The following RPH3AL variants were observed in gnomAD, a reference collection of about 807,000 sequenced individuals.
RPH3AL encodes the protein rab effector Noc2.
Under a neutral mutation model 43.1 loss-of-function variants are expected in RPH3AL, and 38 were observed. That is an observed-to-expected ratio of 0.88 (90% CI 0.68 to 1.15). RPH3AL has a LOEUF of 1.15. Ranked by LOEUF, RPH3AL falls within the 50% of genes most tolerant of loss-of-function variation. RPH3AL has a pLI of 0.00. For synonymous variants in RPH3AL, 189 were observed against 176.3 expected, an observed-to-expected ratio of 1.07 and a Z score of -0.57; for missense variants, 462 against 423.2, an observed-to-expected ratio of 1.09 and a Z score of -0.81.
In RPH3AL at chr17:313,185, C is replaced by G. The variant is rs185422263; in HGVS notation, c.351+6235G>C. The stretch of plus-strand genomic sequence containing the variant: ...TGAAGAGGCTGACGCTCTGTCTCAG[C>G]AAATGGCCTCAGTCCCTACGTTGCC... On this transcript the variant is annotated intron_variant, in intron 5 of 9. Transcript: ENST00000331302. Among the ~76,000 whole-genome samples, 18 of 152,288 alleles carry G rather than the reference C, an allele frequency of 1.2e-4. 1 individual carries two copies. In the East Asian group the frequency reaches 3.5e-3, roughly 29 times the overall value.
rs1470286728 is a variant in RPH3AL, at chr17:225,116, A to G, written c.614-5380T>C. ...TACCCTAGAACTTAAAATATAATGG[A>G]AAAAAAAAAAAAAAGAGTGATGAGC... is the stretch of plus-strand genomic sequence containing the variant. On this transcript the variant is annotated intron_variant, in intron 7 of 9. Transcript: ENST00000331302. This position sits in a 1 kb window ranked among gnomAD's most constrained non-coding sequence, Gnocchi z 4.4. Among the ~76,000 whole-genome samples, 71 of 62,156 alleles carry G rather than the reference A, an allele frequency of 1.1e-3. No individual in the cohort carries two copies. The highest frequency in any genetic ancestry group is 2.0e-3 in the African/African-American group (53 of 26,484). 40.8% of individuals were successfully genotyped at this position (62,156 alleles called of 152,430 possible).
chr17:286,051 G>A (rs1348741625), intron 5 of RPH3AL, among the ~76,000 whole-genome samples: 2 of 152,148 alleles, frequency 1.3e-5, no homozygotes, highest in Non-Finnish European at 2.9e-5. Flanking sequence ...CGCCACTGCT[G>A]GGGGGGTGCT....
chr17:272,056 A>G (rs2042476671), intron 6 of RPH3AL, among the ~76,000 whole-genome samples: 1 of 152,256 alleles, frequency 6.6e-6, no homozygotes, highest in Non-Finnish European at 1.5e-5. Flanking sequence ...CCACAATGAG[A>G]TACCATCTCA....
In RPH3AL at chr17:306,915, C is replaced by T. The variant is rs1030893310; in HGVS notation, c.351+12505G>A. On this transcript the variant is annotated intron_variant, in intron 5 of 9. Coordinates refer to ENST00000331302, the MANE Select transcript of RPH3AL (RefSeq NM_006987.4). ...CCAGACTCCCAGCTGCGCCCGATGC[C>T]CCCACACTTCCTGGGCACACTGCCT... Among the ~76,000 whole-genome samples the T allele has an allele frequency of 3.9e-5, 6 of 152,176 alleles. No individual in the cohort carries two copies. The South Asian group carries it at 1.0e-3, about 26-fold the overall frequency.
intron 7 of RPH3AL, among the ~76,000 whole-genome samples, chr17:235,836 T>C (rs2041372692): frequency 6.9e-6 from 1 of 144,710 alleles, no homozygotes; most frequent in South Asian, 2.2e-4. Context: ...GGCTCTACAC[T>C]AACAAGACAG....
At chr17:313,862 A>G (rs759311873) in intron 5 of RPH3AL, among the ~76,000 whole-genome samples, 39 of 152,046 alleles carry the variant, frequency 2.6e-4, no homozygotes, top group Non-Finnish European at 4.0e-4. Flanking sequence ...AATGCCCACC[A>G]TCCAGCTGTG....
In RPH3AL at chr17:283,061, C is replaced by T. The variant is rs1303996869; in HGVS notation, c.352-1207G>A. The stretch of plus-strand genomic sequence containing the variant: ...GGCTCCAGGCTAACCCAGGCAGAGT[C>T]TGATTCAGCGATCGCTGGCGACTCC... On this transcript the variant is annotated intron_variant, in intron 5 of 9. Transcript: ENST00000331302. The surrounding 1 kb of genome is among the most constrained non-coding windows in gnomAD (Gnocchi z 4.2). Among the ~76,000 whole-genome samples, 1 of 152,160 alleles carries T rather than the reference C, an allele frequency of 6.6e-6. No homozygotes were observed. Among genetic ancestry groups the T allele is most frequent in the Non-Finnish European group, 1.5e-5 (1 of 68,042 alleles).
chr17:264,630 G>T lies in RPH3AL; in HGVS notation c.438+17138C>A, dbSNP rs2042279726. Among the ~76,000 whole-genome samples the T allele has an allele frequency of 6.6e-6, 1 of 152,202 alleles. No individual in the cohort carries two copies. Among genetic ancestry groups the T allele is most frequent in the African/African-American group, 2.4e-5 (1 of 41,452 alleles). On this transcript the variant is annotated intron_variant, in intron 6 of 9. Coordinates refer to ENST00000331302, the MANE Select transcript of RPH3AL (RefSeq NM_006987.4). The surrounding 1 kb of genome is among the most constrained non-coding windows in gnomAD (Gnocchi z 4.8). ...AGGAGGGCATGAAGCATGTCACAAG[G>T]CCTATTGGACACATTTGTGACCACA...
chr17:302,583 C>T (rs940834505), intron 5 of RPH3AL, among the ~76,000 whole-genome samples: 9 of 152,174 alleles, frequency 5.9e-5, no homozygotes, highest in African/African-American at 2.2e-4. Context: ...AGGCTAAGCT[C>T]AACGGGAAAC....
At chr17:240,137 T>C (rs2041493501) in intron 7 of RPH3AL, among the ~76,000 whole-genome samples, 1 of 151,340 alleles carries the variant, frequency 6.6e-6, no homozygotes, top group Non-Finnish European at 1.5e-5. Flanking sequence ...CTCAGGAGGC[T>C]GAGGCAGGAG....
chr17:319,367 G>T, intron 5 of RPH3AL, 53 bp downstream of exon 5: 5 of 1,592,192 alleles, frequency 3.1e-6, no homozygotes, highest in Non-Finnish European at 4.3e-6. Context: ...ACAGCGCAGC[G>T]GGGCTGGTCC....
intron 6 of RPH3AL, among the ~76,000 whole-genome samples, chr17:261,238 C>T (rs2042188296): frequency 1.3e-5 from 2 of 152,186 alleles, no homozygotes; most frequent in Admixed American, 1.3e-4. Flanking sequence ...AAGCTCTAAC[C>T]CTCATGTACT....
intron 5 of RPH3AL, among the ~76,000 whole-genome samples, chr17:295,077 G>A (rs1210496964): frequency 6.6e-5 from 9 of 136,552 alleles, no homozygotes; most frequent in Non-Finnish European, 1.1e-4. Context: ...ACATCAGTGT[G>A]GGAAGGACAG....
chr17:222,975 A>C (rs549289307), intron 7 of RPH3AL, among the ~76,000 whole-genome samples: 1 of 152,298 alleles, frequency 6.6e-6, no homozygotes, highest in African/African-American at 2.4e-5. Flanking sequence ...GGATCACTTG[A>C]GGTCAGGAGC....
chr17:314,418 C>T (rs752808515), intron 5 of RPH3AL, among the ~76,000 whole-genome samples: 20 of 129,740 alleles, frequency 1.5e-4, no homozygotes, highest in African/African-American at 2.6e-4. Context: ...CCCACCTCCA[C>T]TGACATGTAG....
At chr17:255,874 C>T (rs139844718) in intron 6 of RPH3AL, among the ~76,000 whole-genome samples, 2,319 of 31,836 alleles carry the variant, frequency 0.073, 72 homozygotes, top group East Asian at 0.17. Flanking sequence ...TGTCCTGTTC[C>T]GTCCCTAGGA....
chr17:345,865 C>T (rs1298903276), intron 1 of RPH3AL, among the ~76,000 whole-genome samples: 1 of 135,104 alleles, frequency 7.4e-6, no homozygotes, highest in Non-Finnish European at 1.7e-5. Flanking sequence ...GGCATGCCTG[C>T]TCCCCACCTG....
intron 2 of RPH3AL, among the ~76,000 whole-genome samples, chr17:330,618 G>A (rs986372327): frequency 6.6e-6 from 1 of 152,322 alleles, no homozygotes; most frequent in South Asian, 2.1e-4. Context: ...GCTCACGCCT[G>A]TAATCTCAGC....
rs750953041 is a variant in RPH3AL, at chr17:321,410, T to A, written c.83A>T (p.Gln28Leu). The A allele has an allele frequency of 6.2e-7, 1 of 1,606,128 alleles. No individual in the cohort carries two copies. Among genetic ancestry groups the A allele is most frequent in the Admixed American group, 1.7e-5 (1 of 59,922 alleles). The change falls in exon 4 of 10, where the codon CAG becomes CTG. Residue 28 changes from glutamine to leucine, a missense_variant. By Grantham distance (113) the Gln-to-Leu change is moderately radical. Coordinates refer to ENST00000331302, the MANE Select transcript of RPH3AL (RefSeq NM_006987.4). ...GTAGGTGTGCACGGACCAGCCCGTC[T>A]GCAGCCTCGAGAGGGAACAGCACAG... ...DRQLALRAKL[Q>L]TGWSVHTYQT...
Sources: allele counts gnomAD v4.1 joint callset (sites outside exome capture counted in the v4.1 genomes callset), GRCh38; gene constraint gnomAD v4.1.1; non-coding constraint Gnocchi (gnomAD v3.1); transcripts MANE v1.5; gene names NCBI Gene and HGNC (gene_info 2026-07-23, HGNC 2026-07-21).